MAN1C1: variants seen among roughly 807,000 people sequenced by gnomAD.
The protein encoded by MAN1C1 is mannosyl-oligosaccharide 1,2-alpha-mannosidase IC.
MAN1C1 carries 49 observed loss-of-function variants against 71.5 expected under a neutral mutation model. The observed-to-expected ratio is 0.69, with a 90% CI of 0.54 to 0.87. The LOEUF (loss-of-function observed/expected upper bound fraction) is 0.87. MAN1C1 is among the 40% of genes least tolerant of loss of function. The pLI is 0.00. For missense variants in MAN1C1, 743 were observed against 835.0 expected, an observed-to-expected ratio of 0.89 and a Z score of 1.36; for synonymous variants, 352 against 343.7, an observed-to-expected ratio of 1.02 and a Z score of -0.27.
intron 7 of MAN1C1, among the ~76,000 whole-genome samples, chr1:25,770,030 C>T (rs995732273): frequency 6.6e-6 from 1 of 152,106 alleles, no homozygotes; most frequent in East Asian, 1.9e-4. Context: ...GTGCCCATGA[C>T]GGGGCTGGAG....
At chr1:25,697,460 G>A (rs916547776) in intron 2 of MAN1C1, among the ~76,000 whole-genome samples, 1 of 152,222 alleles carries the variant, frequency 6.6e-6, no homozygotes, top group African/African-American at 2.4e-5. Flanking sequence ...GCTGATAGAC[G>A]TTTGGATTGT....
At chr1:25,732,844 A>G (rs1227412559) in intron 2 of MAN1C1, among the ~76,000 whole-genome samples, 4 of 151,486 alleles carry the variant, frequency 2.6e-5, no homozygotes, top group African/African-American at 9.7e-5. Context: ...GACCTCTTTG[A>G]TTTCCTTTCT....
intron 8 of MAN1C1, 71 bp downstream of exon 8, chr1:25,771,843 G>A (rs2047557067): frequency 8.3e-7 from 1 of 1,203,256 alleles, no homozygotes; most frequent in Admixed American, 1.7e-5. Context: ...CCGAGCGAGG[G>A]TGCTGCGGGC....
At chr1:25,715,579 A>G (rs1032394556) in intron 2 of MAN1C1, among the ~76,000 whole-genome samples, 1 of 152,222 alleles carries the variant, frequency 6.6e-6, no homozygotes, top group African/African-American at 2.4e-5. Context: ...GAGAGCATCT[A>G]GCTGGTCTTG....
intron 1 of MAN1C1, among the ~76,000 whole-genome samples, chr1:25,624,998 ATTT>A (rs1032269792): frequency 1.3e-4 from 13 of 101,586 alleles, no homozygotes; most frequent in Admixed American, 2.2e-4. Flanking sequence ...AAATGCACAG[ATTT>A]TTTTTTTTTT....
In MAN1C1 at chr1:25,764,126, C is replaced by T. The variant is rs780318756; in HGVS notation, c.1141+159C>T. 1.4e-4 allele frequency among the ~76,000 whole-genome samples: 22 copies of T among 152,214 alleles called. No individual in the cohort carries two copies. Among genetic ancestry groups the T allele is most frequent in the Non-Finnish European group, 2.8e-4 (19 of 68,036 alleles). ...TGCTCCTGGACACCACCTGCCTTCC[C>T]ATGCATCCTGGGGGCTTGCCTGTGG... On this transcript the variant is annotated intron_variant, in intron 7 of 11. Coordinates refer to ENST00000374332, the MANE Select transcript of MAN1C1 (RefSeq NM_020379.4). This position sits in a 1 kb window ranked among gnomAD's most constrained non-coding sequence, Gnocchi z 4.4.
chr1:25,747,846 GCTTAT>G (rs2124340344), intron 3 of MAN1C1, among the ~76,000 whole-genome samples: 1 of 152,298 alleles, frequency 6.6e-6, no homozygotes, highest in East Asian at 1.9e-4. Context: ...TAACTCATAG[GCTTAT>G]CATGAGGATT....
At position 25,618,405 on chromosome 1, in the gene MAN1C1, TC is replaced by T. The variant is rs372135478; in HGVS notation, c.540+71del. 5.0e-4 allele frequency: 727 copies of T among 1,455,094 alleles called. 2 individuals carry two copies. The African/African-American group carries it at 9.4e-3, about 19-fold the overall frequency. The allele number at this position is 1,455,094 out of a possible 1,614,324, so 90.1% of individuals were successfully genotyped here. ...CTAAGGAGAGAAGACCCTCTGGCGC[TC>T]CCACCCCTTTCCCTTGCCTCAGTCA... On this transcript the variant is annotated intron_variant, in intron 1 of 11. Transcript: ENST00000374332.
intron 2 of MAN1C1, among the ~76,000 whole-genome samples, chr1:25,722,808 G>A (rs1225384567): frequency 6.6e-6 from 1 of 152,188 alleles, no homozygotes; most frequent in Admixed American, 6.5e-5. Context: ...GATGGTTGTG[G>A]ATCTGTGTGG....
intron 2 of MAN1C1, among the ~76,000 whole-genome samples, chr1:25,690,008 G>A (rs991048944): frequency 2.0e-5 from 3 of 152,166 alleles, no homozygotes; most frequent in Non-Finnish European, 2.9e-5. Flanking sequence ...CCCAAGCCTG[G>A]TCTCCTGGTG....
chr1:25,689,364 TG>T (rs1330972326), intron 2 of MAN1C1, among the ~76,000 whole-genome samples: 1 of 152,142 alleles, frequency 6.6e-6, no homozygotes, highest in African/African-American at 2.4e-5. Context: ...TGTGTGACCT[TG>T]GACAAGTCAT....
chr1:25,781,567 C>G (rs985666924), intron 10 of MAN1C1, among the ~76,000 whole-genome samples: 3 of 152,194 alleles, frequency 2.0e-5, no homozygotes, highest in African/African-American at 7.2e-5. Context: ...TTGAGGCCTA[C>G]CCTGCCCTCA....
chr1:25,639,942 T>G (rs1256378627), intron 1 of MAN1C1, among the ~76,000 whole-genome samples: 1 of 152,260 alleles, frequency 6.6e-6, no homozygotes, highest in Non-Finnish European at 1.5e-5. Flanking sequence ...TAGTAGCCTC[T>G]ATCAGTTTGA....
At chr1:25,739,100 TC>T (rs2047022113) in intron 2 of MAN1C1, among the ~76,000 whole-genome samples, 1 of 152,062 alleles carries the variant, frequency 6.6e-6, no homozygotes, top group Admixed American at 6.6e-5. Flanking sequence ...ACCACTGCAC[TC>T]CAGCCTGGAT....
intron 2 of MAN1C1, among the ~76,000 whole-genome samples, chr1:25,687,080 G>T (rs942572107): frequency 6.6e-6 from 1 of 152,088 alleles, no homozygotes; most frequent in Non-Finnish European, 1.5e-5. Context: ...GTTCAGGTCC[G>T]GCCTGGGCAG....
Position 25,626,154 on chromosome 1 carries a change from A to T in MAN1C1, c.540+7817A>T, listed in dbSNP as rs577955588. Among the ~76,000 whole-genome samples, 6 of 152,338 alleles carry T rather than the reference A, an allele frequency of 3.9e-5. No homozygotes were observed. The East Asian group carries it at 1.2e-3, about 29-fold the overall frequency. On this transcript the variant is annotated intron_variant, in intron 1 of 11. Transcript: ENST00000374332. Reference sequence around the variant, plus strand: ...GAGCAGATGTGTGATTGACTTTATAAGAAACTGGAAGCGCTTTCCCCAAGT... The same window carrying T: ...GAGCAGATGTGTGATTGACTTTATATGAAACTGGAAGCGCTTTCCCCAAGT...
At chr1:25,641,832 G>A (rs945736597) in intron 1 of MAN1C1, among the ~76,000 whole-genome samples, 2 of 152,200 alleles carry the variant, frequency 1.3e-5, no homozygotes, top group African/African-American at 4.8e-5. Context: ...GTTTTCCAGA[G>A]TTAAGAGCAG....
chr1:25,621,556 A>G (rs1412452011), intron 1 of MAN1C1, among the ~76,000 whole-genome samples: 1 of 152,070 alleles, frequency 6.6e-6, no homozygotes, highest in Non-Finnish European at 1.5e-5. Context: ...TCAGTGGAAG[A>G]ATTCAGACTG....
At chr1:25,748,760 C>T (rs552540696) in intron 3 of MAN1C1, among the ~76,000 whole-genome samples, 2 of 152,234 alleles carry the variant, frequency 1.3e-5, no homozygotes, top group African/African-American at 2.4e-5. Flanking sequence ...TCACTGAATA[C>T]GTAGCTGCCT....
Sources: allele counts gnomAD v4.1 joint callset (sites outside exome capture counted in the v4.1 genomes callset), GRCh38; gene constraint gnomAD v4.1.1; non-coding constraint Gnocchi (gnomAD v3.1); transcripts MANE v1.5; gene names NCBI Gene and HGNC (gene_info 2026-07-23, HGNC 2026-07-21).